The following PPP1R12B variants were observed in gnomAD, a reference collection of about 807,000 sequenced individuals.
PPP1R12B encodes protein phosphatase 1 regulatory subunit 12B.
PPP1R12B carries 76 observed loss-of-function variants against 126.1 expected under a neutral mutation model. That is an observed-to-expected ratio of 0.60 (90% CI 0.50 to 0.73). The LOEUF (loss-of-function observed/expected upper bound fraction) is 0.73. Ranked by LOEUF, PPP1R12B falls within the 30% of genes least tolerant of loss-of-function variation. PPP1R12B has a pLI of 0.00. For missense variants in PPP1R12B, 1,052 were observed against 1,205.1 expected (o/e 0.87, Z 1.88); for synonymous variants, 356 against 434.7 (o/e 0.82, Z 2.25).
At chr1:202,451,789 A>C (rs1439735484) in intron 13 of PPP1R12B, among the ~76,000 whole-genome samples, 2 of 146,904 alleles carry the variant, frequency 1.4e-5, no homozygotes, top group African/African-American at 5.1e-5. Context: ...GGCGGCTGGC[A>C]GGGTGGGGGC....
chr1:202,569,231 G>T, intron 23 of PPP1R12B, 34 bp downstream of exon 23: 1 of 1,591,922 alleles, frequency 6.3e-7, no homozygotes, highest in Non-Finnish European at 8.6e-7. Flanking sequence ...TTGTATGCCT[G>T]TTCTCTGAAT....
chr1:202,378,898 C>T (rs1661731711), intron 1 of PPP1R12B, among the ~76,000 whole-genome samples: 1 of 151,996 alleles, frequency 6.6e-6, no homozygotes, highest in African/African-American at 2.4e-5. Flanking sequence ...CTCAGATCCT[C>T]TTCTTACCTC....
chr1:202,448,883 G>C, intron 12 of PPP1R12B, 106 bp from the exon 13 acceptor site: 1 of 1,213,908 alleles, frequency 8.2e-7, no homozygotes, highest in Non-Finnish European at 1.2e-6. Flanking sequence ...ATCAGAGCGA[G>C]ATTTCCTAGA....
At chr1:202,429,179 CA>C (rs886832109) in intron 6 of PPP1R12B, among the ~76,000 whole-genome samples, 3 of 152,150 alleles carry the variant, frequency 2.0e-5, no homozygotes, top group African/African-American at 7.2e-5. Flanking sequence ...AAAACAGCCA[CA>C]AAAAACTAAT....
chr1:202,560,119 G>T lies in PPP1R12B; in HGVS notation c.2507+1226G>T, dbSNP rs1558374411. 1.3e-5 allele frequency among the ~76,000 whole-genome samples: 2 copies of T among 152,064 alleles called. 1 individual carries two copies. Among genetic ancestry groups the T allele is most frequent in the Admixed American group, 1.3e-4 (2 of 15,262 alleles). ...TTGAGCAATTATATCCTTCCCTTCAGCCATACCGAGAAACAAATGGATTTC... is the reference window on the plus strand; with the variant it reads ...TTGAGCAATTATATCCTTCCCTTCATCCATACCGAGAAACAAATGGATTTC... On this transcript the variant is annotated intron_variant, in intron 19 of 23. Transcript: ENST00000608999.
chr1:202,359,599 G>T (rs967381789), intron 1 of PPP1R12B, among the ~76,000 whole-genome samples: 3 of 149,240 alleles, frequency 2.0e-5, no homozygotes, highest in Non-Finnish European at 3.0e-5. Flanking sequence ...AGCCAACATG[G>T]TGAAACCCTG....
At chr1:202,472,558 A>G (rs1277416363) in intron 13 of PPP1R12B, among the ~76,000 whole-genome samples, 8 of 152,236 alleles carry the variant, frequency 5.3e-5, no homozygotes, top group Non-Finnish European at 8.8e-5. Flanking sequence ...CTATGTAAGT[A>G]AAAACATTGT....
intron 18 of PPP1R12B, among the ~76,000 whole-genome samples, chr1:202,515,964 T>C (rs1682101670): frequency 6.6e-6 from 1 of 152,218 alleles, no homozygotes; most frequent in Non-Finnish European, 1.5e-5. Context: ...CAGTGAAGCC[T>C]GAACCCTGAA....
At chr1:202,399,705 C>G (rs1665534906) in intron 1 of PPP1R12B, among the ~76,000 whole-genome samples, 1 of 151,980 alleles carries the variant, frequency 6.6e-6, no homozygotes, top group African/African-American at 2.4e-5. Context: ...ACCGTGTTAA[C>G]CAGGATGGTC....
chr1:202,399,073 C>T (rs761490858), intron 1 of PPP1R12B, among the ~76,000 whole-genome samples: 40 of 152,250 alleles, frequency 2.6e-4, no homozygotes, highest in Non-Finnish European at 2.8e-4. Flanking sequence ...TCTAAGATAT[C>T]TGCTACCAAC....
Position 202,442,346 on chromosome 1 carries a change from T to C in PPP1R12B, c.1542-101T>C, listed in dbSNP as rs1284624684. On this transcript the variant is annotated intron_variant, in intron 11 of 23. Transcript: ENST00000608999. ...ACCTGAAGAATGTGTCTATTAGCCA[T>C]GTTATAGTTTGCCTGTCTGGCTCTT... is the stretch of plus-strand genomic sequence containing the variant. The C allele has an allele frequency of 5.4e-6, 7 of 1,296,494 alleles. No homozygotes were observed. In the Admixed American group the frequency reaches 9.7e-5, roughly 18 times the overall value. 80.3% of individuals were successfully genotyped at this position (1,296,494 alleles called of 1,614,324 possible).
At chr1:202,368,502 C>T (rs1659683164) in intron 1 of PPP1R12B, among the ~76,000 whole-genome samples, 1 of 152,062 alleles carries the variant, frequency 6.6e-6, no homozygotes, top group Non-Finnish European at 1.5e-5. Context: ...TTTATAGCAA[C>T]ACAAGAATAG....
At chr1:202,523,189 T>C (rs1358914924) in intron 18 of PPP1R12B, among the ~76,000 whole-genome samples, 1 of 152,224 alleles carries the variant, frequency 6.6e-6, no homozygotes, top group East Asian at 1.9e-4. Flanking sequence ...TGGAATCCTT[T>C]AGTCAACAGT....
chr1:202,530,945 T>C (rs1333472252), intron 18 of PPP1R12B, among the ~76,000 whole-genome samples: 4 of 152,256 alleles, frequency 2.6e-5, no homozygotes, highest in African/African-American at 9.6e-5. Flanking sequence ...GCTGACTCTT[T>C]ACTCTAAAAT....
Position 202,367,298 on chromosome 1 carries a change from G to C in PPP1R12B, c.291+18156G>C, listed in dbSNP as rs528373982. The stretch of plus-strand genomic sequence containing the variant: ...ATGAGCTTTGGAATCAGACATAGTT[G>C]GTTTCTAATCCTGGTTTTGCTACTT... On this transcript the variant is annotated intron_variant, in intron 1 of 23. Coordinates refer to ENST00000608999, the MANE Select transcript of PPP1R12B (RefSeq NM_002481.4). 2.2e-4 allele frequency among the ~76,000 whole-genome samples: 33 copies of C among 152,218 alleles called. 1 individual carries two copies. The South Asian group carries it at 6.2e-3, about 29-fold the overall frequency.
intron 1 of PPP1R12B, among the ~76,000 whole-genome samples, chr1:202,367,620 A>T (rs1659469188): frequency 6.6e-6 from 1 of 152,214 alleles, no homozygotes; most frequent in South Asian, 2.1e-4. Context: ...CATCAGCTAC[A>T]CACATGGCTT....
In PPP1R12B at chr1:202,458,154, C is replaced by G. The variant is rs60596966; in HGVS notation, c.1850+8983C>G. ...TTCAAAGAAACCCAAGACTGGTATT[C>G]CACTGGAGAAACTTTGGAAATTGTC... On this transcript the variant is annotated intron_variant, in intron 13 of 23. Transcript: ENST00000608999. Among the ~76,000 whole-genome samples the G allele has an allele frequency of 7.1e-3, 1,055 of 149,294 alleles. 9 individuals are homozygous for G. The highest frequency in any genetic ancestry group is 0.025 in the African/African-American group (991 of 40,346).
chr1:202,426,804 TG>T (rs751941353), intron 4 of PPP1R12B, among the ~76,000 whole-genome samples: 1 of 152,192 alleles, frequency 6.6e-6, no homozygotes, highest in Non-Finnish European at 1.5e-5. Context: ...TGGTGTAAAA[TG>T]GATATGCCTA....
chr1:202,468,144 G>C (rs1675308316), intron 13 of PPP1R12B, among the ~76,000 whole-genome samples: 2 of 152,014 alleles, frequency 1.3e-5, no homozygotes, highest in South Asian at 4.1e-4. Flanking sequence ...AGATGAGTAG[G>C]TTGCAAAACT....
Sources: allele counts gnomAD v4.1 joint callset (sites outside exome capture counted in the v4.1 genomes callset), GRCh38; gene constraint gnomAD v4.1.1; transcripts MANE v1.5; gene names NCBI Gene and HGNC (gene_info 2026-07-23, HGNC 2026-07-21).